Variants in PDGFD observed in about 807,000 individuals in gnomAD.
The protein encoded by PDGFD is platelet-derived growth factor D.
Under a neutral mutation model 44.7 loss-of-function variants are expected in PDGFD, and 30 were observed. The ratio of observed to expected loss-of-function variants is 0.67; its 90% CI spans 0.50 to 0.91. The LOEUF (loss-of-function observed/expected upper bound fraction) is 0.91, where lower values mean the gene tolerates loss of function less well. Ranked by LOEUF, PDGFD falls within the 40% of genes least tolerant of loss-of-function variation. PDGFD has a pLI of 0.00. For missense variants in PDGFD, 445 were observed against 457.8 expected (o/e 0.97, Z 0.25); for synonymous variants, 173 against 168.4 (o/e 1.03, Z -0.21).
chr11:104,102,992 TG>T (rs1255166458), intron 1 of PDGFD, among the ~76,000 whole-genome samples: 1 of 151,940 alleles, frequency 6.6e-6, no homozygotes, highest in Non-Finnish European at 1.5e-5. Context: ...GACGAGTTAA[TG>T]GGGGCAGCAC....
intron 1 of PDGFD, among the ~76,000 whole-genome samples, chr11:104,006,984 C>T (rs975134010): frequency 2.0e-5 from 3 of 152,184 alleles, no homozygotes; most frequent in Admixed American, 6.5e-5. Context: ...GCTAAAAGTG[C>T]ACACTGTATC....
rs1233758293 is a variant in PDGFD, at chr11:103,984,956, AAT to A, written c.510+11107_510+11108del. 1.5e-5 allele frequency among the ~76,000 whole-genome samples: 2 copies of A among 134,306 alleles called. 1 individual carries two copies. Among genetic ancestry groups the A allele is most frequent in the Non-Finnish European group, 3.1e-5 (2 of 64,614 alleles). The allele number at this position is 134,306 out of a possible 152,430, so 88.1% of individuals were successfully genotyped here. A position where few individuals can be genotyped will look rare whatever the true frequency, so the allele number is the denominator to read the frequency against. ...TAATATATAACATATTAATTTATTTAATATAGTTATATTTATTTAATATATAA... is the reference window on the plus strand; with the variant it reads ...TAATATATAACATATTAATTTATTTAATAGTTATATTTATTTAATATATAA... On this transcript the variant is annotated intron_variant, in intron 3 of 6. Coordinates refer to ENST00000393158, the MANE Select transcript of PDGFD (RefSeq NM_025208.5).
At position 103,907,846 on chromosome 11, in the gene PDGFD, G is replaced by A. The variant is rs763365959; in HGVS notation, c.*1848C>T. ...CCTGAGCTATTTCTGATTGTGTTCTGGGATTTTAGAGAATTGAACAATAGA... is the reference window on the plus strand; with the variant it reads ...CCTGAGCTATTTCTGATTGTGTTCTAGGATTTTAGAGAATTGAACAATAGA... On this transcript the variant is annotated 3_prime_UTR_variant, in exon 7 of 7. Coordinates refer to ENST00000393158, the MANE Select transcript of PDGFD (RefSeq NM_025208.5). 3 of 152,106 alleles carry A rather than the reference G, an allele frequency of 2.0e-5. No homozygotes were observed. The highest frequency in any genetic ancestry group is 2.9e-5 in the Non-Finnish European group (2 of 68,014). The allele number at this position is 152,106 out of a possible 1,614,324, so 9.4% of individuals were successfully genotyped here.
At chr11:103,917,104 T>C (rs1336036708) in intron 6 of PDGFD, among the ~76,000 whole-genome samples, 2 of 151,746 alleles carry the variant, frequency 1.3e-5, no homozygotes, top group African/African-American at 4.8e-5. Flanking sequence ...ACACACAACA[T>C]GTTGCCCTGA....
chr11:104,024,021 C>A (rs1236820458), intron 1 of PDGFD, among the ~76,000 whole-genome samples: 1 of 152,138 alleles, frequency 6.6e-6, no homozygotes, highest in African/African-American at 2.4e-5. Context: ...TAGGCAGCCT[C>A]TTATAAACTT....
At chr11:104,024,506 A>G (rs889221822) in intron 1 of PDGFD, among the ~76,000 whole-genome samples, 1 of 152,218 alleles carries the variant, frequency 6.6e-6, no homozygotes, top group Non-Finnish European at 1.5e-5. Flanking sequence ...CAGTAGTCCC[A>G]TAAGATCATA....
At chr11:103,973,605 T>C (rs2047698) in intron 3 of PDGFD, among the ~76,000 whole-genome samples, 27,861 of 152,092 alleles carry the variant, frequency 0.18, 2,672 homozygotes, top group Middle Eastern at 0.3. Flanking sequence ...TCATTCTTTA[T>C]TGAGGTTTAA....
At chr11:104,139,581 G>A (rs1467201972) in intron 1 of PDGFD, among the ~76,000 whole-genome samples, 2 of 152,124 alleles carry the variant, frequency 1.3e-5, no homozygotes, top group African/African-American at 4.8e-5. Flanking sequence ...CTTTCAAGTA[G>A]ATGCAGGGTA....
chr11:103,975,308 C>A (rs1207067459), intron 3 of PDGFD, among the ~76,000 whole-genome samples: 1 of 152,162 alleles, frequency 6.6e-6, no homozygotes, highest in Admixed American at 6.5e-5. Context: ...AGTGTCTGTT[C>A]ATATCATTGC....
chr11:104,020,468 G>A (rs1859932805), intron 1 of PDGFD, among the ~76,000 whole-genome samples: 1 of 151,976 alleles, frequency 6.6e-6, no homozygotes, highest in African/African-American at 2.4e-5. Context: ...TAATATGTAT[G>A]ACAAACCATA....
At chr11:104,051,543 C>A (rs1374441545) in intron 1 of PDGFD, among the ~76,000 whole-genome samples, 2 of 151,706 alleles carry the variant, frequency 1.3e-5, no homozygotes, top group Non-Finnish European at 2.9e-5. Flanking sequence ...TAAATGAATA[C>A]AGAGGTCCCT....
At position 103,909,798 on chromosome 11, in the gene PDGFD, G is replaced by A. The variant is rs1165295156; in HGVS notation, c.1009C>T (p.His337Tyr). The A allele has an allele frequency of 2.5e-6, 4 of 1,614,104 alleles. No individual in the cohort carries two copies. Among genetic ancestry groups the A allele is most frequent in the South Asian group, 1.1e-5 (1 of 91,080 alleles). The stretch of plus-strand genomic sequence containing the variant: ...TTAGCTCTACCCCTCCTCTTGATGT[G>A]GCCAGGCTCAAACTGTAATACCTAG... ...YHEVLQFEPG[H>Y]IKRRGRAKTM... Residue 337 changes from histidine (H) to tyrosine (Y), a missense_variant, in exon 7 of 7, where the codon CAC becomes TAC. His to Tyr is a moderately conservative substitution (Grantham distance 83, BLOSUM62 2). Transcript: ENST00000393158.
At chr11:103,911,455 C>A (rs1447194072) in intron 6 of PDGFD, among the ~76,000 whole-genome samples, 1 of 152,174 alleles carries the variant, frequency 6.6e-6, no homozygotes, top group South Asian at 2.1e-4. Context: ...GACATCCACT[C>A]AGAGACCCCA....
chr11:104,120,679 T>A (rs1232918786), intron 1 of PDGFD, among the ~76,000 whole-genome samples: 1 of 151,954 alleles, frequency 6.6e-6, no homozygotes, highest in Non-Finnish European at 1.5e-5. Flanking sequence ...CTTTATTAAT[T>A]ATTTCTCTCA....
chr11:103,941,628 A>G (rs1461464570), intron 5 of PDGFD, among the ~76,000 whole-genome samples: 1 of 152,122 alleles, frequency 6.6e-6, no homozygotes, highest in East Asian at 1.9e-4. Context: ...TGCCTGCTAA[A>G]AAAAAAATCA....
chr11:104,056,851 T>A (rs1191258206), intron 1 of PDGFD, among the ~76,000 whole-genome samples: 1 of 152,088 alleles, frequency 6.6e-6, no homozygotes, highest in East Asian at 1.9e-4. Context: ...AAAAACCGGC[T>A]GGGCATGGTG....
At chr11:103,972,146 A>T (rs1407639952) in intron 3 of PDGFD, among the ~76,000 whole-genome samples, 1 of 152,140 alleles carries the variant, frequency 6.6e-6, no homozygotes. Context: ...CGCTTAGAGG[A>T]GGTTTTCTCA....
At chr11:104,028,379 T>C (rs1416096520) in intron 1 of PDGFD, among the ~76,000 whole-genome samples, 1 of 151,662 alleles carries the variant, frequency 6.6e-6, no homozygotes, top group African/African-American at 2.4e-5. Context: ...TATCCATCCC[T>C]ACGAACACAA....
At chr11:103,912,676 C>T (rs1032831621) in intron 6 of PDGFD, among the ~76,000 whole-genome samples, 2 of 152,060 alleles carry the variant, frequency 1.3e-5, no homozygotes, top group Non-Finnish European at 2.9e-5. Context: ...TTAAAAGACA[C>T]AGACTGGCAA....
Sources: allele counts gnomAD v4.1 joint callset (sites outside exome capture counted in the v4.1 genomes callset), GRCh38; gene constraint gnomAD v4.1.1; transcripts MANE v1.5; gene names NCBI Gene and HGNC (gene_info 2026-07-23, HGNC 2026-07-21).